Variants in MAGI2 observed in about 807,000 individuals in gnomAD.
MAGI2 encodes membrane-associated guanylate kinase, WW and PDZ domain-containing protein 2.
A neutral mutation model predicts 133.3 loss-of-function variants in MAGI2; 35 were observed. The observed-to-expected ratio is 0.26, with a 90% CI of 0.20 to 0.35. The LOEUF (loss-of-function observed/expected upper bound fraction) is 0.35, where lower values mean the gene tolerates loss of function less well. MAGI2 is among the 10% of genes least tolerant of loss of function. The pLI is 1.00. For synonymous variants in MAGI2, 729 were observed against 710.6 expected (o/e 1.03, Z -0.41); for missense variants, 1,636 against 1,863.4 (o/e 0.88, Z 2.25).
At chr7:79,424,802 A>G (rs1847224925) in intron 1 of MAGI2, among the ~76,000 whole-genome samples, 1 of 152,204 alleles carries the variant, frequency 6.6e-6, no homozygotes, top group Admixed American at 6.5e-5. Context: ...GAGTTGGATC[A>G]GGCAAATCAT....
chr7:78,690,889 C>T (rs1465074227), intron 2 of MAGI2, among the ~76,000 whole-genome samples: 1 of 152,188 alleles, frequency 6.6e-6, no homozygotes, highest in Non-Finnish European at 1.5e-5. Flanking sequence ...CCTTCCCGAT[C>T]TTAAATCCTG....
intron 9 of MAGI2, among the ~76,000 whole-genome samples, chr7:78,309,039 A>C (rs1276274436): frequency 6.6e-6 from 1 of 152,204 alleles, no homozygotes; most frequent in Non-Finnish European, 1.5e-5. Flanking sequence ...AAAAAATAAC[A>C]GATGCTGGTG....
At chr7:78,697,151 G>A (rs1265498578) in intron 2 of MAGI2, among the ~76,000 whole-genome samples, 1 of 152,050 alleles carries the variant, frequency 6.6e-6, no homozygotes, top group Non-Finnish European at 1.5e-5. Context: ...GATATTTAGT[G>A]TTTAATCTCT....
At chr7:78,461,940 A>AAAAAAAAAAAAAAAAAAAAAAAAAAAAAG (rs1790092945) in intron 6 of MAGI2, among the ~76,000 whole-genome samples, 1 of 134,502 alleles carries the variant, frequency 7.4e-6, no homozygotes, top group Non-Finnish European at 1.6e-5. Context: ...AAAAAAAAAA[A>AAAAAAAAAAAAAAAAAAAAAAAAAAAAAG]AAAAAAAGAA....
intron 2 of MAGI2, among the ~76,000 whole-genome samples, chr7:78,811,006 G>T (rs973620450): frequency 3.3e-5 from 5 of 151,872 alleles, no homozygotes; most frequent in African/African-American, 1.2e-4. Flanking sequence ...GCAATAAATT[G>T]AAATCTTGTA....
intron 17 of MAGI2, chr7:78,134,521 CA>C (rs1466889429): frequency 6.4e-6 from 1 of 156,128 alleles, no homozygotes; most frequent in African/African-American, 2.4e-5. Flanking sequence ...CAGACAAATT[CA>C]AAAGGCTCAG....
intron 2 of MAGI2, among the ~76,000 whole-genome samples, chr7:78,869,049 A>T (rs917485654): frequency 6.6e-6 from 1 of 152,140 alleles, no homozygotes; most frequent in South Asian, 2.1e-4. Flanking sequence ...CACCATGCCC[A>T]GCCCCAATAC....
chr7:79,076,530 T>C (rs1815477877), intron 1 of MAGI2, among the ~76,000 whole-genome samples: 1 of 152,192 alleles, frequency 6.6e-6, no homozygotes, highest in Non-Finnish European at 1.5e-5. Flanking sequence ...AGAGGATTTA[T>C]ATTCAAAGTT....
At chr7:78,470,389 T>C (rs773447730) in intron 6 of MAGI2, among the ~76,000 whole-genome samples, 13 of 152,128 alleles carry the variant, frequency 8.5e-5, no homozygotes, top group Non-Finnish European at 1.8e-4. Context: ...TAAGTGATAA[T>C]GACAAATTGG....
At chr7:78,088,122 T>C (rs1471724993) in intron 20 of MAGI2, among the ~76,000 whole-genome samples, 1 of 152,210 alleles carries the variant, frequency 6.6e-6, no homozygotes, top group Admixed American at 6.5e-5. Context: ...GAACTCTGTA[T>C]GAGTGTTATT....
At chr7:79,315,325 ATTTTTTT>A (rs775143230) in intron 1 of MAGI2, among the ~76,000 whole-genome samples, 5 of 92,496 alleles carry the variant, frequency 5.4e-5, no homozygotes, top group Non-Finnish European at 1.3e-4. Context: ...TGCCCAGTTA[ATTTTTTT>A]TTTTTTTTTT....
intron 2 of MAGI2, among the ~76,000 whole-genome samples, chr7:78,843,251 G>C (rs905563759): frequency 4.0e-5 from 6 of 151,822 alleles, no homozygotes; most frequent in African/African-American, 1.4e-4. Flanking sequence ...TGAGGCTTCA[G>C]TTTTGAAATA....
intron 1 of MAGI2, among the ~76,000 whole-genome samples, chr7:79,213,438 C>G (rs532015719): frequency 2.6e-5 from 4 of 151,972 alleles, no homozygotes; most frequent in African/African-American, 9.7e-5. Context: ...CCAGCCTCAG[C>G]CCCCTGGGAT....
intron 2 of MAGI2, among the ~76,000 whole-genome samples, chr7:78,864,569 T>C (rs1794402830): frequency 6.6e-6 from 1 of 152,204 alleles, no homozygotes; most frequent in Admixed American, 6.5e-5. Flanking sequence ...TCACTGCCAT[T>C]GAGTACTGTT....
In MAGI2 at chr7:78,768,391, G is replaced by A. The variant is rs917929729; in HGVS notation, c.419-141152C>T. On this transcript the variant is annotated intron_variant, in intron 2 of 21. Transcript: ENST00000354212. ...AGTCAGATTGTCTACATGTATAAAA[G>A]CAGCAATCGGATCTACATGCTGTAT... 5.3e-5 allele frequency among the ~76,000 whole-genome samples: 8 copies of A among 152,260 alleles called. No homozygotes were observed. The South Asian group carries it at 1.7e-3, about 32-fold the overall frequency.
intron 3 of MAGI2, among the ~76,000 whole-genome samples, chr7:78,576,771 T>A (rs2150793865): frequency 6.6e-6 from 1 of 152,274 alleles, no homozygotes. Context: ...GGTCTTTGGG[T>A]CTCCATTTCT....
intron 2 of MAGI2, among the ~76,000 whole-genome samples, chr7:78,719,563 G>A (rs17151376): frequency 6.6e-6 from 1 of 152,104 alleles, no homozygotes; most frequent in African/African-American, 2.4e-5. Context: ...GTGTATTGGG[G>A]TTTATGCAGG....
intron 1 of MAGI2, among the ~76,000 whole-genome samples, chr7:79,171,770 A>ATATATATATATATATATATTTTT: frequency 2.2e-4 from 7 of 31,218 alleles, no homozygotes; most frequent in Non-Finnish European, 4.4e-4. Context: ...ATATATATAT[A>ATATATATATATATATATATTTTT]TTTTTTTTTT....
intron 3 of MAGI2, among the ~76,000 whole-genome samples, chr7:78,589,877 T>C (rs1178821530): frequency 2.6e-5 from 4 of 152,192 alleles, no homozygotes; most frequent in African/African-American, 9.6e-5. Flanking sequence ...AAGCAGGTTA[T>C]TATTTCAAAA....
Sources: gnomAD v4.1 joint callset for allele counts (sites outside exome capture counted in the v4.1 genomes callset) on GRCh38, gnomAD v4.1.1 for gene constraint, MANE v1.5 for transcripts, NCBI Gene and HGNC (gene_info 2026-07-23, HGNC 2026-07-21) for gene names.